KIF5C: variants seen among roughly 807,000 people sequenced by gnomAD.
KIF5C encodes the protein kinesin family member 5C, also known as kinesin heavy chain isoform 5C.
Under a neutral mutation model 125.2 loss-of-function variants are expected in KIF5C, and 18 were observed. The ratio of observed to expected loss-of-function variants is 0.14; its 90% CI spans 0.10 to 0.21. The LOEUF is 0.21. KIF5C is among the 10% of genes least tolerant of loss of function. The pLI is 1.00. For synonymous variants in KIF5C, 405 were observed against 434.0 expected (o/e 0.93, Z 0.83); for missense variants, 780 against 1,183.8 (o/e 0.66, Z 5.01).
At chr2:148,932,192 T>G (rs540205537) in intron 3 of KIF5C, among the ~76,000 whole-genome samples, 1 of 152,296 alleles carries the variant, frequency 6.6e-6, no homozygotes, top group African/African-American at 2.4e-5. Flanking sequence ...AAGGAGGATT[T>G]TATGTATTCA....
intron 3 of KIF5C, among the ~76,000 whole-genome samples, chr2:148,936,825 T>C (rs113559738): frequency 0.016 from 2,380 of 152,304 alleles, 24 homozygotes; most frequent in Middle Eastern, 0.041. Context: ...TCTTAGAAAT[T>C]TTGGAAAATT....
chr2:149,005,001 G>C (rs1362643608), intron 21 of KIF5C, among the ~76,000 whole-genome samples: 1 of 152,112 alleles, frequency 6.6e-6, no homozygotes, highest in East Asian at 1.9e-4. Context: ...TTTCATTTCA[G>C]CTTGTTGGTA....
At chr2:148,933,670 T>G (rs1682224503) in intron 3 of KIF5C, among the ~76,000 whole-genome samples, 1 of 149,576 alleles carries the variant, frequency 6.7e-6, no homozygotes, top group Non-Finnish European at 1.5e-5. Flanking sequence ...CACAGACATA[T>G]GCACACCACA....
In KIF5C at chr2:149,025,972, A is replaced by C. The variant is rs1391812368; in HGVS notation, c.*2902A>C. On this transcript the variant is annotated 3_prime_UTR_variant, in exon 26 of 26. Transcript: ENST00000435030. ...AATCAGAATTTATAGATATATTGGG[A>C]TAAATGAAGAAATAAAAATGTTTGT... is the stretch of plus-strand genomic sequence containing the variant. The C allele has an allele frequency of 6.5e-6, 1 of 152,678 alleles. No individual in the cohort carries two copies. The highest frequency in any genetic ancestry group is 2.4e-5 in the African/African-American group (1 of 41,452). 9.5% of individuals were successfully genotyped at this position (152,678 alleles called of 1,614,324 possible).
chr2:148,954,726 GTCA>G (rs1682751822), intron 10 of KIF5C, among the ~76,000 whole-genome samples: 2 of 152,126 alleles, frequency 1.3e-5, no homozygotes, highest in Non-Finnish European at 2.9e-5. Flanking sequence ...AAAAAGTCGT[GTCA>G]TCATTTTAAT....
At chr2:148,986,604 A>T (rs571914797) in intron 15 of KIF5C, among the ~76,000 whole-genome samples, 1 of 152,340 alleles carries the variant, frequency 6.6e-6, no homozygotes, top group East Asian at 1.9e-4. Flanking sequence ...ATGAATTGAT[A>T]TAGTAATTCT....
In KIF5C at chr2:148,875,575, G is replaced by GGGCCCCCC; in HGVS notation, c.-43_-42insGGCCCCCC. ...TCCTCCCTCGTCGTTCCCGGCCCCG[G>GGGCCCCCC]CCCCCCACCCATCCCCGTGCCCCCT... On this transcript the variant is annotated 5_prime_UTR_variant, in exon 1 of 26. Transcript: ENST00000435030. 4 of 699,596 alleles carry GGGCCCCCC rather than the reference G, an allele frequency of 5.7e-6. No homozygotes were observed. Among genetic ancestry groups the GGGCCCCCC allele is most frequent in the Non-Finnish European group, 1.0e-5 (4 of 389,224 alleles). The allele number at this position is 699,596 out of a possible 1,614,324, so 43.3% of individuals were successfully genotyped here. A position where few individuals can be genotyped will look rare whatever the true frequency, so the allele number is the denominator to read the frequency against.
intron 24 of KIF5C, among the ~76,000 whole-genome samples, chr2:149,011,326 C>T (rs1387500795): frequency 6.6e-6 from 1 of 152,176 alleles, no homozygotes; most frequent in African/African-American, 2.4e-5. Context: ...CTTTTCTTGG[C>T]CCAAATTAGA....
chr2:148,946,978 A>G lies in KIF5C; in HGVS notation c.669A>G (p.Lys223=), dbSNP rs752163955. The stretch of plus-strand genomic sequence containing the variant: ...AAGAGAATGTAGAGACTGAAAAAAA[A>G]CTCAGTGGGAAACTTTATTTGGTTG... ...IKQENVETEK[K]LSGKLYLVDL... is the part of the protein sequence containing the mutation. Residue 223 remains lysine, a synonymous_variant, in exon 8 of 26, where the codon AAA becomes AAG. Coordinates refer to ENST00000435030, the MANE Select transcript of KIF5C (RefSeq NM_004522.3). The G allele has an allele frequency of 1.9e-6, 3 of 1,613,308 alleles. No individual in the cohort carries two copies. In the East Asian group the frequency reaches 6.7e-5, roughly 36 times the overall value.
At chr2:148,956,709 A>C (rs1289200260) in intron 10 of KIF5C, among the ~76,000 whole-genome samples, 1 of 152,192 alleles carries the variant, frequency 6.6e-6, no homozygotes, top group Non-Finnish European at 1.5e-5. Flanking sequence ...CTTAGGACTG[A>C]ATTAAAGTTC....
intron 1 of KIF5C, among the ~76,000 whole-genome samples, chr2:148,906,448 G>A (rs1018464635): frequency 1.3e-5 from 2 of 152,192 alleles, no homozygotes; most frequent in African/African-American, 4.8e-5. Context: ...AGAAAACTGA[G>A]CAGGAGGACA....
intron 11 of KIF5C, among the ~76,000 whole-genome samples, chr2:148,965,943 C>G (rs936773803): frequency 1.3e-5 from 2 of 152,120 alleles, no homozygotes; most frequent in South Asian, 2.1e-4. Context: ...CGTGTCAGTC[C>G]TAATTCTTCA....
rs1681511679 is a variant in KIF5C at position 148,991,086 on chromosome 2, T to C, written c.1793T>C (p.Val598Ala). The C allele has an allele frequency of 6.2e-7, 1 of 1,613,744 alleles. No individual in the cohort carries two copies. The highest frequency in any genetic ancestry group is 8.5e-7 in the Non-Finnish European group (1 of 1,179,810). Residue 598 changes from valine (V) to alanine (A), a missense_variant, in exon 16 of 26, where the codon GTC becomes GCC. Physicochemically the swap from Val to Ala is moderately conservative, Grantham distance 64. Transcript: ENST00000435030. ...RLYISKMKSE[V>A]KSLVNRSKQL... ...TACATCAGCAAGATGAAGTCAGAGG[T>C]CAAGTCCCTGGTGAACCGCAGCAAA...
At chr2:148,927,439 A>G (rs1385558563) in intron 2 of KIF5C, among the ~76,000 whole-genome samples, 1 of 152,034 alleles carries the variant, frequency 6.6e-6, no homozygotes, top group African/African-American at 2.4e-5. Flanking sequence ...GGTGGGTTCC[A>G]GAGTGTTTCA....
intron 25 of KIF5C, among the ~76,000 whole-genome samples, chr2:149,016,331 AG>A (rs796312135): frequency 5.3e-5 from 8 of 151,312 alleles, no homozygotes; most frequent in African/African-American, 2.0e-4. Flanking sequence ...ACCCTGAAGA[AG>A]GGGTAGGAAT....
At chr2:148,973,307 C>A (rs1462607742) in intron 11 of KIF5C, 29 bp from the exon 12 acceptor site, 1 of 1,594,570 alleles carries the variant, frequency 6.3e-7, no homozygotes, top group Non-Finnish European at 8.5e-7. Context: ...TTTCTTTAAT[C>A]CCCAACTCTG....
At chr2:148,880,890 G>A (rs1397855460) in intron 1 of KIF5C, among the ~76,000 whole-genome samples, 2 of 151,830 alleles carry the variant, frequency 1.3e-5, no homozygotes, top group Admixed American at 1.3e-4. Context: ...GAATGGGGTG[G>A]GTAGAGGTAG....
chr2:148,947,994 T>G, intron 8 of KIF5C: 1 of 456,668 alleles, frequency 2.2e-6, no homozygotes, highest in Non-Finnish European at 4.4e-6. Context: ...TCCTCTAGTA[T>G]GCATTTGTAA....
At chr2:148,994,335 C>G (rs1681605700) in intron 16 of KIF5C, 86 bp from the exon 17 acceptor site, 2 of 1,500,246 alleles carry the variant, frequency 1.3e-6, no homozygotes, top group East Asian at 2.5e-5. Context: ...AACCCCTCCT[C>G]TCTCGCATTT....
Sources: gnomAD v4.1 joint callset for allele counts (sites outside exome capture counted in the v4.1 genomes callset) on GRCh38, gnomAD v4.1.1 for gene constraint, MANE v1.5 for transcripts, NCBI Gene and HGNC (gene_info 2026-07-23, HGNC 2026-07-21) for gene names.